The following RSBN1 variants were observed in gnomAD, a reference collection of about 807,000 sequenced individuals.
RSBN1 encodes the protein lysine-specific demethylase 9.
Under a neutral mutation model 74.8 loss-of-function variants are expected in RSBN1, and 23 were observed. The ratio of observed to expected loss-of-function variants is 0.31; its 90% confidence interval spans 0.22 to 0.44. The LOEUF (loss-of-function observed/expected upper bound fraction) is 0.44. RSBN1 is among the 20% of genes least tolerant of loss of function. RSBN1 has a pLI of 1.00. For synonymous variants in RSBN1, 407 were observed against 379.6 expected, an observed-to-expected ratio of 1.07 and a Z score of -0.84; for missense variants, 808 against 1,020.9, an observed-to-expected ratio of 0.79 and a Z score of 2.84.
intron 2 of RSBN1, among the ~76,000 whole-genome samples, chr1:113,783,658 T>C (rs894889978): frequency 6.6e-5 from 10 of 152,286 alleles, no homozygotes; most frequent in Middle Eastern, 6.8e-3. Context: ...AAGTTACATA[T>C]GCAATCTTCA....
At position 113,812,426 on chromosome 1, in the gene RSBN1, G is replaced by T. The variant is rs768891590; in HGVS notation, c.-14C>A. On this transcript the variant is annotated 5_prime_UTR_variant, in exon 1 of 7. Transcript: ENST00000261441. ...AGAGATGAACATGCCGGAAGCGGCCGTTCCCAGCTTTTCTCCGCAGGCCTC... is the reference window on the plus strand; with the variant it reads ...AGAGATGAACATGCCGGAAGCGGCCTTTCCCAGCTTTTCTCCGCAGGCCTC... 1.9e-6 allele frequency: 3 copies of T among 1,577,802 alleles called. No homozygotes were observed. Among genetic ancestry groups the T allele is most frequent in the East Asian group, 4.5e-5 (2 of 44,172 alleles).
In RSBN1 at chr1:113,777,741, G is replaced by A; in HGVS notation, c.1445C>T (p.Ala482Val). Residue 482 changes from alanine to valine, a missense_variant, in exon 3 of 7, where the codon GCA becomes GTA. This residue lies in a region of RSBN1 where 112 missense variants were observed against 257.3 expected (regional missense o/e 0.44). Transcript: ENST00000261441. Reference protein sequence around the residue: ...GPMRQISLVGAVDEEVGDYFP... With the variant: ...GPMRQISLVGVVDEEVGDYFP... ...ATAATCACCAACTTCTTCATCTACT[G>A]CTCCAACGAGACTTATCTGCCGCAT... 1 of 1,611,470 alleles carries A rather than the reference G, an allele frequency of 6.2e-7. No homozygotes were observed. Among genetic ancestry groups the A allele is most frequent in the Non-Finnish European group, 8.5e-7 (1 of 1,178,186 alleles).
In RSBN1 at chr1:113,777,366, G is replaced by A. The variant is rs578018582; in HGVS notation, c.1516-14C>T. ...GGGCAAAGTCATCTAGAAATCAGAC[G>A]GATTAGTCACATTAAAAAATTGTTT... is the stretch of plus-strand genomic sequence containing the variant. On this transcript the variant is annotated splice_polypyrimidine_tract_variant and intron_variant, in intron 3 of 6. Coordinates refer to ENST00000261441, the MANE Select transcript of RSBN1 (RefSeq NM_018364.5). The A allele has an allele frequency of 4.5e-5, 72 of 1,591,222 alleles. 1 individual carries two copies. The highest frequency in any genetic ancestry group is 1.6e-4 in the South Asian group (14 of 86,862).
At chr1:113,769,949 C>A (rs1311952207) in intron 4 of RSBN1, among the ~76,000 whole-genome samples, 1 of 152,174 alleles carries the variant, frequency 6.6e-6, no homozygotes, top group Non-Finnish European at 1.5e-5. Context: ...ACTATGGCTA[C>A]CCACCCAGCA....
chr1:113,789,109 G>T (rs1472701689), intron 2 of RSBN1, among the ~76,000 whole-genome samples: 2 of 151,986 alleles, frequency 1.3e-5, no homozygotes, highest in Admixed American at 1.3e-4. Flanking sequence ...TTTAGGGCGG[G>T]GCTGGTCACC....
rs1042708551 is a variant in RSBN1, at chr1:113,763,614, G to C, written c.*2366C>G. On this transcript the variant is annotated 3_prime_UTR_variant, in exon 7 of 7. Transcript: ENST00000261441. Reference sequence around the variant, plus strand: ...ATAGGACATTCAGTTTTCAGATCACGTTACTAGCTAAATGTTTCTCTTCAT... The same window carrying C: ...ATAGGACATTCAGTTTTCAGATCACCTTACTAGCTAAATGTTTCTCTTCAT... 1 of 152,676 alleles carries C rather than the reference G, an allele frequency of 6.5e-6. No homozygotes were observed. The highest frequency in any genetic ancestry group is 1.5e-5 in the Non-Finnish European group (1 of 68,014). 9.5% of individuals were successfully genotyped at this position (152,676 alleles called of 1,614,324 possible).
At chr1:113,766,899 A>G (rs1659791150) in intron 6 of RSBN1, among the ~76,000 whole-genome samples, 200 bp downstream of exon 6, 1 of 152,190 alleles carries the variant, frequency 6.6e-6, no homozygotes, top group South Asian at 2.1e-4. Context: ...CTGGTATCCC[A>G]AAGATTGAAA....
intron 1 of RSBN1, among the ~76,000 whole-genome samples, chr1:113,808,140 T>C (rs1660751007): frequency 6.6e-6 from 1 of 152,128 alleles, no homozygotes; most frequent in Non-Finnish European, 1.5e-5. Context: ...AATAAATATA[T>C]ATAGTCATCC....
intron 1 of RSBN1, among the ~76,000 whole-genome samples, chr1:113,802,889 A>G (rs1199820617): frequency 1.3e-5 from 2 of 151,846 alleles, no homozygotes; most frequent in African/African-American, 2.4e-5. Context: ...ATTCAGGTTC[A>G]CTCTTGTTGT....
At chr1:113,806,901 T>C (rs1348387960) in intron 1 of RSBN1, among the ~76,000 whole-genome samples, 1 of 147,792 alleles carries the variant, frequency 6.8e-6, no homozygotes, top group Non-Finnish European at 1.5e-5. Flanking sequence ...TGGTCTCAGC[T>C]ACTCAGGAGG....
At chr1:113,776,466 C>G (rs1173801020) in intron 4 of RSBN1, among the ~76,000 whole-genome samples, 1 of 152,130 alleles carries the variant, frequency 6.6e-6, no homozygotes, top group Non-Finnish European at 1.5e-5. Context: ...TTCAGCCTAC[C>G]AGGTAGCTAG....
intron 1 of RSBN1, among the ~76,000 whole-genome samples, chr1:113,804,924 A>T (rs1200308188): frequency 6.6e-6 from 1 of 150,966 alleles, no homozygotes; most frequent in Non-Finnish European, 1.5e-5. Flanking sequence ...AAAAAAAAAA[A>T]TGAGATAAGA....
chr1:113,778,578 G>C (rs951286719), intron 2 of RSBN1, among the ~76,000 whole-genome samples: 1 of 152,132 alleles, frequency 6.6e-6, no homozygotes, highest in Non-Finnish European at 1.5e-5. Context: ...AGGAGTACAG[G>C]TGTGAGCCAC....
At chr1:113,809,306 T>G (rs966776394) in intron 1 of RSBN1, among the ~76,000 whole-genome samples, 1 of 152,182 alleles carries the variant, frequency 6.6e-6, no homozygotes, top group Non-Finnish European at 1.5e-5. Context: ...AACCCCATTT[T>G]ATAGACAGGA....
chr1:113,769,646 A>T (rs190511785), intron 4 of RSBN1, among the ~76,000 whole-genome samples: 78 of 152,348 alleles, frequency 5.1e-4, no homozygotes, highest in East Asian at 1.7e-3. Context: ...TGAATGAGCA[A>T]TATCAACAAA....
intron 4 of RSBN1, among the ~76,000 whole-genome samples, chr1:113,770,062 G>C (rs944532272): frequency 1.3e-5 from 2 of 152,108 alleles, no homozygotes; most frequent in Middle Eastern, 3.2e-3. Flanking sequence ...GTTAATTTCT[G>C]ATGAGTACTG....
intron 4 of RSBN1, among the ~76,000 whole-genome samples, chr1:113,769,587 ATAATC>A (rs1466582387): frequency 5.3e-5 from 8 of 152,202 alleles, no homozygotes; most frequent in African/African-American, 1.7e-4. Context: ...TCTAAATATA[ATAATC>A]TAAAGATGAT....
At chr1:113,783,778 A>G (rs529896201) in intron 2 of RSBN1, among the ~76,000 whole-genome samples, 7 of 152,208 alleles carry the variant, frequency 4.6e-5, no homozygotes, top group Non-Finnish European at 1.0e-4. Context: ...TGACAACACC[A>G]GTAGGAACGA....
At chr1:113,794,199 T>C (rs1479829999) in intron 2 of RSBN1, among the ~76,000 whole-genome samples, 2 of 152,152 alleles carry the variant, frequency 1.3e-5, no homozygotes, top group Non-Finnish European at 2.9e-5. Flanking sequence ...ATTTCTTTCT[T>C]TTCTCTCTAA....
Sources: gnomAD v4.1 joint callset for allele counts (sites outside exome capture counted in the v4.1 genomes callset) on GRCh38, gnomAD v4.1.1 for gene constraint, gnomAD v4.1.1 regional missense constraint, MANE v1.5 for transcripts, NCBI Gene and HGNC (gene_info 2026-07-23, HGNC 2026-07-21) for gene names.